Variants in CHRM3 observed in about 807,000 individuals in gnomAD.
CHRM3 encodes cholinergic receptor muscarinic 3, also known as muscarinic acetylcholine receptor M3.
CHRM3 carries 11 observed loss-of-function variants against 41.8 expected under a neutral mutation model. The ratio of observed to expected loss-of-function variants is 0.26; its 90% CI spans 0.17 to 0.44. The LOEUF (loss-of-function observed/expected upper bound fraction) is 0.44, where lower values mean the gene tolerates loss of function less well. Ranked by LOEUF, CHRM3 falls within the 20% of genes least tolerant of loss-of-function variation. The pLI, the probability that CHRM3 is intolerant of heterozygous loss-of-function variation, is 1.00. For missense variants in CHRM3, 571 were observed against 745.4 expected (o/e 0.77, Z 2.72); for synonymous variants, 297 against 301.4 (o/e 0.99, Z 0.15).
intron 1 of CHRM3, among the ~76,000 whole-genome samples, chr1:239,406,188 C>T (rs1289195366): frequency 6.6e-6 from 1 of 152,136 alleles, no homozygotes; most frequent in Non-Finnish European, 1.5e-5. Flanking sequence ...CCGTGCCTGG[C>T]TGAAGTTCTT....
chr1:239,762,713 T>C (rs1666900543), intron 5 of CHRM3, among the ~76,000 whole-genome samples: 1 of 152,188 alleles, frequency 6.6e-6, no homozygotes, highest in Non-Finnish European at 1.5e-5. Context: ...TCTCAAAATA[T>C]AAGATTAGAG....
chr1:239,446,520 C>A (rs1664166727), intron 1 of CHRM3, among the ~76,000 whole-genome samples: 1 of 152,150 alleles, frequency 6.6e-6, no homozygotes, highest in Non-Finnish European at 1.5e-5. Context: ...AACAAAAACA[C>A]TACAACTTAG....
At chr1:239,708,187 A>G (rs1174137290) in intron 5 of CHRM3, among the ~76,000 whole-genome samples, 3 of 152,188 alleles carry the variant, frequency 2.0e-5, no homozygotes, top group African/African-American at 7.2e-5. Flanking sequence ...AATGATAGCA[A>G]CAAGCTTGTG....
At chr1:239,553,774 C>T (rs775471070) in intron 3 of CHRM3, among the ~76,000 whole-genome samples, 8 of 152,068 alleles carry the variant, frequency 5.3e-5, no homozygotes, top group African/African-American at 9.7e-5. Flanking sequence ...ATATAATTAC[C>T]GGTGTTCTAT....
chr1:239,832,151 T>G (rs488164), intron 6 of CHRM3, among the ~76,000 whole-genome samples: 90,530 of 152,012 alleles, frequency 0.6, 27,002 homozygotes, highest in Admixed American at 0.64. Context: ...GAGCCTGCAC[T>G]GTCCCTCCAT....
chr1:239,858,841 A>C (rs1428104924), intron 6 of CHRM3, among the ~76,000 whole-genome samples: 1 of 152,226 alleles, frequency 6.6e-6, no homozygotes, highest in African/African-American at 2.4e-5. Context: ...TATTTTATAT[A>C]AATAGAATTG....
intron 6 of CHRM3, among the ~76,000 whole-genome samples, chr1:239,870,345 C>A: frequency 6.6e-6 from 1 of 152,180 alleles, no homozygotes; most frequent in Non-Finnish European, 1.5e-5. Context: ...CCCTTCCAGG[C>A]AGCGAGGACA....
At chr1:239,480,425 A>G (rs2147996898) in intron 1 of CHRM3, among the ~76,000 whole-genome samples, 1 of 152,256 alleles carries the variant, frequency 6.6e-6, no homozygotes, top group East Asian at 1.9e-4. Context: ...TATCTTATGT[A>G]ATACTTAATG....
chr1:239,741,740 T>C (rs1365296267), intron 5 of CHRM3, among the ~76,000 whole-genome samples: 1 of 152,146 alleles, frequency 6.6e-6, no homozygotes, highest in African/African-American at 2.4e-5. Context: ...TGCACTTATA[T>C]GCAAAAAAAC....
At chr1:239,717,476 C>A (rs1456362516) in intron 5 of CHRM3, among the ~76,000 whole-genome samples, 2 of 152,038 alleles carry the variant, frequency 1.3e-5, no homozygotes, top group African/African-American at 4.8e-5. Flanking sequence ...CGCACACACA[C>A]ACACACACAT....
intron 5 of CHRM3, among the ~76,000 whole-genome samples, chr1:239,816,624 G>A (rs551188352): frequency 4.5e-4 from 68 of 152,200 alleles, no homozygotes; most frequent in Non-Finnish European, 7.9e-4. Context: ...AAGCCACTGG[G>A]CAGCATAATC....
chr1:239,608,709 G>A (rs569446145), intron 3 of CHRM3, among the ~76,000 whole-genome samples: 1 of 152,258 alleles, frequency 6.6e-6, no homozygotes, highest in South Asian at 2.1e-4. Context: ...ACATTTGTGG[G>A]TTCCATTACT....
At chr1:239,642,326 G>C (rs1199756879) in intron 4 of CHRM3, among the ~76,000 whole-genome samples, 1 of 151,734 alleles carries the variant, frequency 6.6e-6, no homozygotes, top group Non-Finnish European at 1.5e-5. Flanking sequence ...TTGCTAGATT[G>C]GGGAAGTTCT....
chr1:239,878,344 C>G (rs1045283185), intron 6 of CHRM3, among the ~76,000 whole-genome samples: 9 of 152,058 alleles, frequency 5.9e-5, no homozygotes, highest in African/African-American at 2.2e-4. Flanking sequence ...AGATCCTTCG[C>G]AAATGCAGTT....
At chr1:239,650,499 C>T (rs532993884) in intron 4 of CHRM3, among the ~76,000 whole-genome samples, 2 of 152,306 alleles carry the variant, frequency 1.3e-5, no homozygotes, top group East Asian at 3.9e-4. Flanking sequence ...AATGGCTTCA[C>T]TCTGCAGCCA....
At chr1:239,452,682 A>G (rs1255615062) in intron 1 of CHRM3, among the ~76,000 whole-genome samples, 1 of 152,268 alleles carries the variant, frequency 6.6e-6, no homozygotes, top group Non-Finnish European at 1.5e-5. Flanking sequence ...CTCTACATTA[A>G]TATCTGACAG....
chr1:239,627,737 T>C (rs1415529546), intron 3 of CHRM3, among the ~76,000 whole-genome samples: 1 of 140,146 alleles, frequency 7.1e-6, no homozygotes, highest in Non-Finnish European at 1.5e-5. Flanking sequence ...GTCTATAAAG[T>C]ATTTTATTTC....
At chr1:239,867,041 G>A (rs539061899) in intron 6 of CHRM3, among the ~76,000 whole-genome samples, 48 of 152,310 alleles carry the variant, frequency 3.2e-4, no homozygotes, top group Admixed American at 1.0e-3. Context: ...CAGGGGCACC[G>A]GGTTGCCAGC....
At chr1:239,437,377 C>A (rs756813239) in intron 1 of CHRM3, among the ~76,000 whole-genome samples, 2 of 152,186 alleles carry the variant, frequency 1.3e-5, no homozygotes, top group Non-Finnish European at 2.9e-5. Context: ...TAGGCATGAG[C>A]CACCACACCT....
Sources: allele counts gnomAD v4.1 joint callset (sites outside exome capture counted in the v4.1 genomes callset), GRCh38; gene constraint gnomAD v4.1.1; transcripts MANE v1.5; gene names NCBI Gene and HGNC (gene_info 2026-07-23, HGNC 2026-07-21).